FLT3: variants seen among roughly 807,000 people sequenced by gnomAD.
FLT3 encodes fms related receptor tyrosine kinase 3, also known as receptor-type tyrosine-protein kinase FLT3.
Under a neutral mutation model 126.6 loss-of-function variants are expected in FLT3, and 46 were observed. The observed-to-expected ratio is 0.36, with a 90% CI of 0.29 to 0.46. FLT3 has a LOEUF of 0.46. FLT3 is among the 20% of genes least tolerant of loss of function. FLT3 has a pLI of 1.00. For synonymous variants in FLT3, 404 were observed against 434.4 expected (o/e 0.93, Z 0.87); for missense variants, 1,069 against 1,190.3 (o/e 0.90, Z 1.50).
intron 2 of FLT3, among the ~76,000 whole-genome samples, chr13:28,065,206 T>C (rs533571934): frequency 6.6e-6 from 1 of 152,306 alleles, no homozygotes; most frequent in Admixed American, 6.5e-5. Context: ...AGGGATTGGT[T>C]AATTACAGGG....
At chr13:28,067,366 A>G (rs986646688) in intron 2 of FLT3, among the ~76,000 whole-genome samples, 2 of 152,190 alleles carry the variant, frequency 1.3e-5, no homozygotes, top group Non-Finnish European at 2.9e-5. Flanking sequence ...ACAATCCACA[A>G]TCTGGATAGA....
chr13:28,049,004 G>A (rs1254842673), intron 8 of FLT3, among the ~76,000 whole-genome samples: 1 of 152,280 alleles, frequency 6.6e-6, no homozygotes, highest in East Asian at 1.9e-4. Context: ...TGCCCTAACA[G>A]TGCGGTTAGT....
At chr13:28,027,065 G>T in intron 17 of FLT3, 23 bp downstream of exon 17, 2 of 1,607,412 alleles carry the variant, frequency 1.2e-6, no homozygotes, top group Non-Finnish European at 1.7e-6. Flanking sequence ...GTGTAATTAC[G>T]AAACCCTGAC....
intron 23 of FLT3, among the ~76,000 whole-genome samples, chr13:28,009,855 C>T (rs1871214175): frequency 6.6e-6 from 1 of 152,176 alleles, no homozygotes; most frequent in Non-Finnish European, 1.5e-5. Flanking sequence ...AGCCACCACG[C>T]TTGGCCTCCC....
intron 15 of FLT3, among the ~76,000 whole-genome samples, chr13:28,032,483 G>A (rs1873432182): frequency 6.6e-6 from 1 of 152,236 alleles, no homozygotes; most frequent in African/African-American, 2.4e-5. Flanking sequence ...GGTGGCGCAT[G>A]CCTGTAGTCC....
At chr13:28,035,703 C>T (rs1473344127) in intron 11 of FLT3, 30 bp from the exon 12 acceptor site, 1 of 1,589,732 alleles carries the variant, frequency 6.3e-7, no homozygotes, top group East Asian at 2.2e-5. Flanking sequence ...AGAATTTAGA[C>T]AGGTGAGCTG....
intron 20 of FLT3, 119 bp downstream of exon 20, chr13:28,018,348 G>A (rs962832037): frequency 1.8e-6 from 2 of 1,130,806 alleles, no homozygotes; most frequent in Non-Finnish European, 2.6e-6. Context: ...AGACTGCTGT[G>A]AGGGTTTTTT....
rs1870608043 is a variant in FLT3 at position 28,003,360 on chromosome 13, T to C, written c.*692A>G. The C allele has an allele frequency of 4.3e-6, 1 of 233,252 alleles. No homozygotes were observed. Among genetic ancestry groups the C allele is most frequent in the Non-Finnish European group, 8.5e-6 (1 of 118,110 alleles). 14.4% of individuals were successfully genotyped at this position (233,252 alleles called of 1,614,324 possible). A position where few individuals can be genotyped will look rare whatever the true frequency, so the allele number is the denominator to read the frequency against. ...TGAGTCTGGGAAGGCCGCCAAAGTG[T>C]CTAGGTGATGTATTACTCTTTATGG... On this transcript the variant is annotated 3_prime_UTR_variant, in exon 24 of 24. Coordinates refer to ENST00000241453, the MANE Select transcript of FLT3 (RefSeq NM_004119.3).
rs993223033 is a variant in FLT3, at chr13:28,070,481, G to A, written c.165+10C>T. ...AAACAGCTAAAGGTATAATTTTAAT[G>A]TTACTTTACCATGGGATATGATGAT... On this transcript the variant is annotated intron_variant, in intron 2 of 23. Transcript: ENST00000241453. 3.7e-6 allele frequency: 6 copies of A among 1,604,644 alleles called. No homozygotes were observed. Among genetic ancestry groups the A allele is most frequent in the Middle Eastern group, 1.7e-4 (1 of 6,048 alleles).
chr13:28,014,452 C>A lies in FLT3; in HGVS notation c.2859G>T (p.Ala953=). 1.2e-6 allele frequency: 2 copies of A among 1,606,442 alleles called. No individual in the cohort carries two copies. The highest frequency in any genetic ancestry group is 1.7e-5 in the Admixed American group (1 of 59,994). ...TTATAAAGTCCTGGCTGCTACATAC[C>A]GCTTCTTCTGCATCTGCCAGCTGAC... ...LGCQLADAEE[A]MYQNVDGRVS... is the part of the protein sequence containing the mutation. Residue 953 remains alanine, a splice_region_variant and synonymous_variant, in exon 23 of 24, where the codon GCG becomes GCT. Coordinates refer to ENST00000241453, the MANE Select transcript of FLT3 (RefSeq NM_004119.3).
At chr13:28,019,423 CA>C in intron 19 of FLT3, among the ~76,000 whole-genome samples, 1 of 152,136 alleles carries the variant, frequency 6.6e-6, no homozygotes, top group East Asian at 1.9e-4. Context: ...TGATGTTAAT[CA>C]AAGGGGTCTG....
At position 28,035,488 on chromosome 13, in the gene FLT3, G is replaced by C. The variant is rs1419038234; in HGVS notation, c.1597+7C>G. 3 of 1,609,574 alleles carry C rather than the reference G, an allele frequency of 1.9e-6. No homozygotes were observed. The highest frequency in any genetic ancestry group is 1.3e-5 in the African/African-American group (1 of 74,750). On this transcript the variant is annotated splice_region_variant and intron_variant, in intron 12 of 23. Transcript: ENST00000241453. ...ATGGTGGAATATCACAAGAACAACT[G>C]TTGTACCTGGAGAGTTTAAAAGGAT...
intron 1 of FLT3, among the ~76,000 whole-genome samples, chr13:28,089,350 C>A (rs1352784317): frequency 1.3e-5 from 2 of 152,190 alleles, no homozygotes; most frequent in African/African-American, 4.8e-5. Context: ...TACAATACCA[C>A]TCTGAGGTAT....
chr13:28,021,724 G>C (rs1872403501), intron 19 of FLT3, among the ~76,000 whole-genome samples: 1 of 151,822 alleles, frequency 6.6e-6, no homozygotes, highest in Non-Finnish European at 1.5e-5. Flanking sequence ...ACTGTGCCCA[G>C]CCTATTTATT....
chr13:28,053,551 C>T (rs1003564578), intron 4 of FLT3, among the ~76,000 whole-genome samples: 1 of 151,958 alleles, frequency 6.6e-6, no homozygotes, highest in Non-Finnish European at 1.5e-5. Flanking sequence ...CTCAACTGCA[C>T]GTATCCTTTA....
Position 28,050,019 on chromosome 13 carries a change from C to T in FLT3, c.742+76G>A, listed in dbSNP as rs930895554. ...ATTTCTGAAGTTGAATGATCACCTA[C>T]GCAGTTACTGTTAGTCCCTGATAGT... On this transcript the variant is annotated intron_variant, in intron 6 of 23. Coordinates refer to ENST00000241453, the MANE Select transcript of FLT3 (RefSeq NM_004119.3). 2.0e-5 allele frequency: 30 copies of T among 1,479,792 alleles called. 1 individual carries two copies. The South Asian group carries it at 2.4e-4, about 12-fold the overall frequency. 91.7% of individuals were successfully genotyped at this position (1,479,792 alleles called of 1,614,324 possible).
Position 28,028,173 on chromosome 13 carries a change from GT to G in FLT3, c.2053+4del. The G allele has an allele frequency of 6.7e-7, 1 of 1,502,576 alleles. No homozygotes were observed. Among genetic ancestry groups the G allele is most frequent in the Non-Finnish European group, 9.3e-7 (1 of 1,078,660 alleles). The allele number at this position is 1,502,576 out of a possible 1,614,324, so 93.1% of individuals were successfully genotyped here. ...GATGAGGTGATTTTCGTGGAAGTGG[GT>G]TACCTGACAGTGTGCACGCCCCCAG... On this transcript the variant is annotated splice_donor_region_variant and intron_variant, in intron 16 of 23. Transcript: ENST00000241453.
intron 17 of FLT3, among the ~76,000 whole-genome samples, chr13:28,026,022 A>C (rs1043176514): frequency 7.9e-5 from 12 of 152,170 alleles, no homozygotes; most frequent in Non-Finnish European, 1.5e-5. Flanking sequence ...CTTCAGAATA[A>C]GGGAGAACTT....
At chr13:28,061,153 C>T (rs374639067) in intron 3 of FLT3, among the ~76,000 whole-genome samples, 5 of 151,660 alleles carry the variant, frequency 3.3e-5, no homozygotes, top group African/African-American at 1.2e-4. Context: ...GTCAGGAGTT[C>T]GAAGCCAGCC....
Sources: allele counts gnomAD v4.1 joint callset (sites outside exome capture counted in the v4.1 genomes callset), GRCh38; gene constraint gnomAD v4.1.1; transcripts MANE v1.5; gene names NCBI Gene and HGNC (gene_info 2026-07-23, HGNC 2026-07-21).